The following PLCXD1 variants were observed in gnomAD, a reference collection of about 807,000 sequenced individuals.
The protein encoded by PLCXD1 is PI-PLC X domain-containing protein 1.
In PLCXD1, 45 loss-of-function variants were observed where a neutral mutation model predicts 37.8. The observed-to-expected ratio is 1.19, with a 90% CI of 0.94 to 1.53. The LOEUF (loss-of-function observed/expected upper bound fraction) is 1.53, where lower values mean the gene tolerates loss of function less well. Among genes scored for constraint, PLCXD1 ranks in the 40% most tolerant of loss-of-function variants. The probability of loss-of-function intolerance (pLI) is 0.00; values close to 1 mark genes in which losing one functional copy is unlikely to be tolerated. For synonymous variants in PLCXD1, 246 were observed against 206.9 expected (o/e 1.19, Z -1.62); for missense variants, 539 against 454.7 (o/e 1.19, Z -1.69).
rs778051898 is a variant in PLCXD1 at position 299,275 on chromosome X, C to T, written c.912C>T (p.Ile304=). The T allele has an allele frequency of 7.4e-6, 12 of 1,613,758 alleles. No individual in the cohort carries two copies. In the East Asian group the frequency reaches 1.6e-4, roughly 21 times the overall value. The change falls in exon 7 of 7, where the codon ATC becomes ATT. Residue 304 remains isoleucine, a synonymous_variant. Coordinates refer to ENST00000381657, the MANE Select transcript of PLCXD1 (RefSeq NM_018390.4). The part of the protein sequence containing the change: ...RCTNIIAGDF[I]GADGFVSDVI... ...CCAACATCATCGCGGGGGACTTCATCGGCGCAGACGGCTTCGTCAGTGACG... is the reference window on the plus strand; with the variant it reads ...CCAACATCATCGCGGGGGACTTCATTGGCGCAGACGGCTTCGTCAGTGACG...
rs1049097601 is a variant in PLCXD1 at position 300,274 on chromosome X, C to T, written c.*939C>T. ...AGGGAGACACTATCCTCCCACAGCT[C>T]ACTAATTACTAAACACAGTGACAGC... On this transcript the variant is annotated 3_prime_UTR_variant, in exon 7 of 7. Transcript: ENST00000381657. The T allele has an allele frequency of 5.9e-5, 9 of 152,022 alleles. No individual in the cohort carries two copies. Among genetic ancestry groups the T allele is most frequent in the African/African-American group, 2.2e-4 (9 of 41,386 alleles). 9.4% of individuals were successfully genotyped at this position (152,022 alleles called of 1,614,324 possible).
upstream of PLCXD1, among the ~76,000 whole-genome samples, chrX:276,909 C>T (rs1214866017): frequency 6.6e-6 from 1 of 152,216 alleles, no homozygotes; most frequent in Non-Finnish European, 1.5e-5. Context: ...GCCTCTGGGA[C>T]GTGAGTCTCC....
rs199550625 is a variant in PLCXD1 at position 284,258 on chromosome X, T to C, written c.71T>C (p.Met24Thr). Residue 24 changes from methionine (M) to threonine (T), a missense_variant, in exon 2 of 7, where the codon ATG becomes ACG. Transcript: ENST00000381657. Reference protein sequence around the residue: ...LHCRNANEDWMSALCPRLWDV... With the variant: ...LHCRNANEDWTSALCPRLWDV... ...TGCAGAAATGCCAACGAGGACTGGATGTCGGCACTGTGTCCCCGGCTCTGG... is the reference window on the plus strand; with the variant it reads ...TGCAGAAATGCCAACGAGGACTGGACGTCGGCACTGTGTCCCCGGCTCTGG... 53 of 1,613,230 alleles carry C rather than the reference T, an allele frequency of 3.3e-5. No homozygotes were observed. Among genetic ancestry groups the C allele is most frequent in the Non-Finnish European group, 8.5e-7 (1 of 1,179,474 alleles).
chrX:279,210 G>C (rs2069212213), upstream of PLCXD1, among the ~76,000 whole-genome samples: 1 of 152,174 alleles, frequency 6.6e-6, no homozygotes, highest in African/African-American at 2.4e-5. Context: ...ACTCACGATA[G>C]TAAAATGTTG....
Position 299,380 on chromosome X carries a change from C to A in PLCXD1, c.*45C>A. The A allele has an allele frequency of 7.4e-7, 1 of 1,348,472 alleles. No individual in the cohort carries two copies. Among genetic ancestry groups the A allele is most frequent in the Non-Finnish European group, 1.1e-6 (1 of 938,060 alleles). 83.5% of individuals were successfully genotyped at this position (1,348,472 alleles called of 1,614,324 possible). ...GGGACGCGGCGGCTGCAGTTTCACC[C>A]CCGAATTTCCAAGTATTGTGACTTT... On this transcript the variant is annotated 3_prime_UTR_variant, in exon 7 of 7. Transcript: ENST00000381657.
In PLCXD1 at chrX:288,881, G is replaced by A; in HGVS notation, c.264+12G>A. The A allele has an allele frequency of 6.2e-7, 1 of 1,611,516 alleles. No homozygotes were observed. The highest frequency in any genetic ancestry group is 8.5e-7 in the Non-Finnish European group (1 of 1,179,198). ...GGTCCGTCACCCAGGTACGGTCTGT[G>A]CCCCGTGCTGCTGACCTGGCCTGTC... On this transcript the variant is annotated intron_variant, in intron 3 of 6. Coordinates refer to ENST00000381657, the MANE Select transcript of PLCXD1 (RefSeq NM_018390.4).
At chrX:289,648 A>G in intron 3 of PLCXD1, among the ~76,000 whole-genome samples, 1 of 150,240 alleles carries the variant, frequency 6.7e-6, no homozygotes, top group East Asian at 2.0e-4. Flanking sequence ...AGTAGCTGGG[A>G]CTACAGGCTC....
At chrX:279,920 G>C (rs2124289838), upstream of PLCXD1, among the ~76,000 whole-genome samples, 1 of 152,250 alleles carries the variant, frequency 6.6e-6, no homozygotes, top group African/African-American at 2.4e-5. Flanking sequence ...CGCGATCTCG[G>C]CTCACTGCAA....
chrX:285,407 TAC>T (rs1446937576), intron 2 of PLCXD1, among the ~76,000 whole-genome samples: 2 of 151,960 alleles, frequency 1.3e-5, no homozygotes, highest in African/African-American at 2.4e-5. Flanking sequence ...CACACATATA[TAC>T]ACCTGCAGAT....
intron 6 of PLCXD1, 45 bp downstream of exon 6, chrX:293,263 G>A (rs754678977): frequency 4.2e-5 from 63 of 1,487,578 alleles, no homozygotes; most frequent in Middle Eastern, 2.4e-4. Flanking sequence ...ACAGCCTCCC[G>A]TGACGCCCTG....
At chrX:290,210 G>C (rs28635765) in intron 3 of PLCXD1, among the ~76,000 whole-genome samples, 3 of 151,852 alleles carry the variant, frequency 2.0e-5, no homozygotes, top group East Asian at 1.9e-4. Flanking sequence ...GGTGGATCAC[G>C]AGGTCAGGAG....
intron 6 of PLCXD1, among the ~76,000 whole-genome samples, chrX:294,736 G>A (rs192756267): frequency 1.4e-3 from 218 of 152,220 alleles, no homozygotes; most frequent in Non-Finnish European, 2.6e-3. Context: ...CCAGGAAGGC[G>A]GAGGTTGCAG....
chrX:282,945 T>TTA (rs58691987), intron 1 of PLCXD1, among the ~76,000 whole-genome samples: 120 of 105,444 alleles, frequency 1.1e-3, no homozygotes, highest in Admixed American at 2.9e-3. Flanking sequence ...TATATATATA[T>TTA]TATATATATA....
rs757470342 is a variant in PLCXD1, at chrX:299,308, G to A, written c.945G>A (p.Ala315=). ...ACGGCTTCGTCAGTGACGTCATCGC[G>A]CTCAATCAGAAGCTGCTGTGGTGCT... ...GADGFVSDVI[A]LNQKLLWC Residue 315 remains alanine, a synonymous_variant, in exon 7 of 7, where the codon GCG becomes GCA. Coordinates refer to ENST00000381657, the MANE Select transcript of PLCXD1 (RefSeq NM_018390.4). 8.7e-6 allele frequency: 14 copies of A among 1,613,480 alleles called. No individual in the cohort carries two copies. The South Asian group carries it at 1.1e-4, about 13-fold the overall frequency.
At chrX:288,955 A>G in intron 3 of PLCXD1, 86 bp downstream of exon 3, 1 of 1,366,024 alleles carries the variant, frequency 7.3e-7, no homozygotes. Flanking sequence ...CCCCTCACCC[A>G]GGTAGGGTTT....
chrX:295,311 G>A (rs1181893350), intron 6 of PLCXD1, among the ~76,000 whole-genome samples: 1 of 152,114 alleles, frequency 6.6e-6, no homozygotes, highest in African/African-American at 2.4e-5. Flanking sequence ...GAGGGAGGGA[G>A]GGAGGAAGGT....
In PLCXD1 at chrX:300,983, A is replaced by T. The variant is rs1170046393; in HGVS notation, c.*1648A>T. ...CTCCCAAAGTGCTGGGATGACAGGC[A>T]TGAGCCACTGTGCCCAGCCGCCGAT... is the stretch of plus-strand genomic sequence containing the variant. On this transcript the variant is annotated 3_prime_UTR_variant, in exon 7 of 7. Transcript: ENST00000381657. 4 of 152,132 alleles carry T rather than the reference A, an allele frequency of 2.6e-5. No individual in the cohort carries two copies. Among genetic ancestry groups the T allele is most frequent in the Admixed American group, 1.3e-4 (2 of 15,248 alleles). The allele number at this position is 152,132 out of a possible 1,614,324, so 9.4% of individuals were successfully genotyped here. A position where few individuals can be genotyped will look rare whatever the true frequency, so the allele number is the denominator to read the frequency against.
chrX:284,386 G>A (rs1449591069), intron 2 of PLCXD1, 72 bp downstream of exon 2: 14 of 1,562,852 alleles, frequency 9.0e-6, no homozygotes, highest in Admixed American at 5.1e-5. Context: ...GAGCTGTGGC[G>A]TCTGCATTCC....
Position 299,266 on chromosome X carries a change from G to A in PLCXD1, c.903G>A (p.Gly301=). ...PGSRCTNIIA[G]DFIGADGFVS... ...CACGGTGCACCAACATCATCGCGGG[G>A]GACTTCATCGGCGCAGACGGCTTCG... is the stretch of plus-strand genomic sequence containing the variant. The change falls in exon 7 of 7, where the codon GGG becomes GGA. Residue 301 remains glycine (G), a synonymous_variant. Transcript: ENST00000381657. 6.2e-7 allele frequency: 1 copy of A among 1,613,888 alleles called. No homozygotes were observed. Among genetic ancestry groups the A allele is most frequent in the South Asian group, 1.1e-5 (1 of 91,076 alleles).
Sources: gnomAD v4.1 joint callset for allele counts (sites outside exome capture counted in the v4.1 genomes callset) on GRCh38, gnomAD v4.1.1 for gene constraint, MANE v1.5 for transcripts, NCBI Gene and HGNC (gene_info 2026-07-23, HGNC 2026-07-21) for gene names.